GCNT2: variants seen among roughly 807,000 people sequenced by gnomAD.
GCNT2 encodes the protein glucosaminyl (N-acetyl) transferase 2 (I blood group).
A neutral mutation model predicts 34.2 loss-of-function variants in GCNT2; 34 were observed. That is an observed-to-expected ratio of 1.00 (90% CI 0.76 to 1.32). The LOEUF (loss-of-function observed/expected upper bound fraction) is 1.32. GCNT2 is among the 40% of genes most tolerant of loss of function. The probability of loss-of-function intolerance (pLI) is 0.00; values close to 1 mark genes in which losing one functional copy is unlikely to be tolerated. For synonymous variants in GCNT2, 212 were observed against 188.0 expected (o/e 1.13, Z -1.04); for missense variants, 584 against 489.4 (o/e 1.19, Z -1.82).
intron 3 of GCNT2, among the ~76,000 whole-genome samples, chr6:10,601,780 A>C (rs1464813738): frequency 6.6e-6 from 1 of 152,038 alleles, no homozygotes; most frequent in African/African-American, 2.4e-5. Flanking sequence ...GTCTCTACTA[A>C]AAATACAAAA....
intron 3 of GCNT2, among the ~76,000 whole-genome samples, chr6:10,584,286 TTTAAC>T (rs1447729535): frequency 1.3e-5 from 2 of 152,206 alleles, no homozygotes; most frequent in African/African-American, 4.8e-5. Context: ...TAGATTTATA[TTTAAC>T]TTTACATAAA....
intron 3 of GCNT2, among the ~76,000 whole-genome samples, chr6:10,558,693 G>A (rs758845677): frequency 1.3e-5 from 2 of 152,252 alleles, no homozygotes; most frequent in African/African-American, 2.4e-5. Context: ...AAGGCTGGTA[G>A]GTGCTCTCAG....
intron 3 of GCNT2, among the ~76,000 whole-genome samples, chr6:10,575,968 C>T (rs1763791035): frequency 6.6e-6 from 1 of 152,160 alleles, no homozygotes; most frequent in African/African-American, 2.4e-5. Flanking sequence ...TCTTTTCAGA[C>T]TCAGCCCGCC....
chr6:10,597,467 A>T (rs1581464465), intron 3 of GCNT2, among the ~76,000 whole-genome samples: 1 of 147,604 alleles, frequency 6.8e-6, no homozygotes, highest in East Asian at 2.1e-4. Context: ...GAATTGTCTT[A>T]ATTCAACTTC....
Position 10,528,668 on chromosome 6 carries a change from A to C in GCNT2, c.-244A>C, listed in dbSNP as rs1761315877. The stretch of plus-strand genomic sequence containing the variant: ...GGTTAGCAGGAGAACAGGCAAGCCA[A>C]ATGCAAAGGAGCCACTTCAGAAATG... On this transcript the variant is annotated 5_prime_UTR_variant, in exon 3 of 5. Coordinates refer to ENST00000495262, the MANE Select transcript of GCNT2 (RefSeq NM_145649.5). 2 of 563,422 alleles carry C rather than the reference A, an allele frequency of 3.5e-6. No individual in the cohort carries two copies. The highest frequency in any genetic ancestry group is 6.3e-6 in the Non-Finnish European group (2 of 315,816). The allele number at this position is 563,422 out of a possible 1,614,324, so 34.9% of individuals were successfully genotyped here. A position where few individuals can be genotyped will look rare whatever the true frequency, so the allele number is the denominator to read the frequency against.
At chr6:10,620,620 A>G (rs977313652) in intron 3 of GCNT2, among the ~76,000 whole-genome samples, 1 of 151,988 alleles carries the variant, frequency 6.6e-6, no homozygotes, top group Non-Finnish European at 1.5e-5. Flanking sequence ...TTGCCCAGGG[A>G]TCTTCTTACC....
At chr6:10,538,572 C>T (rs1761890514) in intron 3 of GCNT2, among the ~76,000 whole-genome samples, 1 of 151,402 alleles carries the variant, frequency 6.6e-6, no homozygotes, top group East Asian at 1.9e-4. Flanking sequence ...TATGGAATAA[C>T]AGGCTTAGTT....
intron 4 of GCNT2, among the ~76,000 whole-genome samples, chr6:10,625,091 C>G (rs1436994585): frequency 3.3e-5 from 5 of 152,206 alleles, no homozygotes; most frequent in East Asian, 1.9e-4. Context: ...CTTCTACTCT[C>G]TATTATGCTT....
Position 10,528,780 on chromosome 6 carries a change from C to A in GCNT2, c.-132C>A. The A allele has an allele frequency of 1.3e-6, 1 of 763,128 alleles. No individual in the cohort carries two copies. The highest frequency in any genetic ancestry group is 1.4e-5 in the South Asian group (1 of 70,666). The allele number at this position is 763,128 out of a possible 1,614,324, so 47.3% of individuals were successfully genotyped here. On this transcript the variant is annotated 5_prime_UTR_variant, in exon 3 of 5. Transcript: ENST00000495262. ...GGACCAGAACCGTGAACTGAAGGGA[C>A]AGGGAACAGCCAGACGAGAGCTTCA...
intron 3 of GCNT2, among the ~76,000 whole-genome samples, chr6:10,530,946 C>G (rs1712676676): frequency 6.6e-6 from 1 of 150,454 alleles, no homozygotes; most frequent in Non-Finnish European, 1.5e-5. Context: ...CCCAGCTTCT[C>G]AGAAGGCTGA....
chr6:10,586,754 A>G (rs925469577), intron 3 of GCNT2: 18 of 1,613,988 alleles, frequency 1.1e-5, no homozygotes, highest in Non-Finnish European at 1.4e-5. Flanking sequence ...CTTCACCTCC[A>G]CATCAGCTGA....
intron 1 of GCNT2, among the ~76,000 whole-genome samples, chr6:10,523,711 G>T (rs1276586162): frequency 6.6e-6 from 1 of 152,090 alleles, no homozygotes; most frequent in Non-Finnish European, 1.5e-5. Flanking sequence ...TGTGGCTCAT[G>T]CCTGTAATCC....
intron 3 of GCNT2, among the ~76,000 whole-genome samples, chr6:10,565,445 A>G (rs992539952): frequency 2.0e-5 from 3 of 152,180 alleles, no homozygotes; most frequent in African/African-American, 7.2e-5. Flanking sequence ...TCCAGGACAC[A>G]ACCTCCTGAG....
chr6:10,543,428 T>G (rs1264134204), intron 3 of GCNT2, among the ~76,000 whole-genome samples: 2 of 152,114 alleles, frequency 1.3e-5, no homozygotes, highest in Non-Finnish European at 2.9e-5. Context: ...TTACCTCAAA[T>G]GATCCACCTG....
At chr6:10,604,890 G>A (rs909503479) in intron 3 of GCNT2, among the ~76,000 whole-genome samples, 7 of 141,788 alleles carry the variant, frequency 4.9e-5, no homozygotes, top group African/African-American at 1.8e-4. Flanking sequence ...AAAGAAAAAT[G>A]TATTATCTTT....
chr6:10,566,263 A>G (rs561559940), intron 3 of GCNT2, among the ~76,000 whole-genome samples: 4 of 152,022 alleles, frequency 2.6e-5, no homozygotes, highest in African/African-American at 9.7e-5. Flanking sequence ...ACTCCCGTAC[A>G]ACGTTGTACT....
At chr6:10,552,632 T>C (rs1375532379) in intron 3 of GCNT2, among the ~76,000 whole-genome samples, 1 of 152,180 alleles carries the variant, frequency 6.6e-6, no homozygotes, top group African/African-American at 2.4e-5. Flanking sequence ...TATATGCAAA[T>C]ACTACATCAT....
At chr6:10,532,242 C>T (rs772969641) in intron 3 of GCNT2, among the ~76,000 whole-genome samples, 14 of 152,192 alleles carry the variant, frequency 9.2e-5, no homozygotes, top group Non-Finnish European at 1.9e-4. Context: ...AACCCCCTGA[C>T]TTCTCGACTC....
At chr6:10,563,774 AAAAATATATATAT>A (rs1315432619) in intron 3 of GCNT2, among the ~76,000 whole-genome samples, 286 of 40,962 alleles carry the variant, frequency 7.0e-3, no homozygotes, top group African/African-American at 0.028. Flanking sequence ...AAAAAAAAAA[AAAAATATATATAT>A]ATATATATAT....
Sources: allele counts gnomAD v4.1 joint callset (sites outside exome capture counted in the v4.1 genomes callset), GRCh38; gene constraint gnomAD v4.1.1; transcripts MANE v1.5; gene names NCBI Gene and HGNC (gene_info 2026-07-23, HGNC 2026-07-21).